Variants in KIAA0825 observed in about 807,000 individuals in gnomAD.
KIAA0825 encodes the protein KIAA0825.
KIAA0825 carries 119 observed loss-of-function variants against 147.6 expected under a neutral mutation model. The ratio of observed to expected loss-of-function variants is 0.81; its 90% CI spans 0.69 to 0.94. The LOEUF (loss-of-function observed/expected upper bound fraction) is 0.94. Ranked by LOEUF, KIAA0825 falls within the 40% of genes least tolerant of loss-of-function variation. The probability of loss-of-function intolerance (pLI) is 0.00; values close to 1 mark genes in which losing one functional copy is unlikely to be tolerated. For missense variants in KIAA0825, 1,381 were observed against 1,472.7 expected (o/e 0.94, Z 1.02); for synonymous variants, 470 against 518.1 (o/e 0.91, Z 1.26).
chr5:94,405,316 T>C (rs1562464935), intron 15 of KIAA0825, among the ~76,000 whole-genome samples: 1 of 152,206 alleles, frequency 6.6e-6, no homozygotes, highest in African/African-American at 2.4e-5. Context: ...GGTAATTTAC[T>C]GGGAGTTTTT....
chr5:94,296,690 G>A (rs986310856), intron 20 of KIAA0825, among the ~76,000 whole-genome samples: 2 of 152,096 alleles, frequency 1.3e-5, no homozygotes, highest in Non-Finnish European at 2.9e-5. Context: ...CCCGGGTGAG[G>A]GGACATCCCT....
chr5:94,168,022 A>AAT lies in KIAA0825; in HGVS notation c.3711-13900_3711-13899dup, dbSNP rs200126833. On this transcript the variant is annotated intron_variant, in intron 20 of 20. Transcript: ENST00000682413. ...ACTTAGAACCCCCGAAACCCAATTTAATATATATATAATAAAATATATAGA... is the reference window on the plus strand; with the variant it reads ...ACTTAGAACCCCCGAAACCCAATTTAATATATATATATAATAAAATATATAGA... Among the ~76,000 whole-genome samples the AAT allele has an allele frequency of 2.9e-3, 440 of 149,982 alleles. 1 individual carries two copies. The highest frequency in any genetic ancestry group is 9.8e-3 in the African/African-American group (405 of 41,176).
intron 14 of KIAA0825, among the ~76,000 whole-genome samples, chr5:94,417,675 C>T (rs893109245): frequency 6.6e-6 from 1 of 152,088 alleles, no homozygotes; most frequent in Non-Finnish European, 1.5e-5. Flanking sequence ...ATTCTTCTTT[C>T]TCTTAAGGAA....
intron 20 of KIAA0825, among the ~76,000 whole-genome samples, chr5:94,260,989 TA>T (rs1562338965): frequency 6.6e-6 from 1 of 152,148 alleles, no homozygotes; most frequent in Non-Finnish European, 1.5e-5. Context: ...GAATATTTGA[TA>T]ACAGCAAAAT....
intron 20 of KIAA0825, among the ~76,000 whole-genome samples, chr5:94,282,030 C>T (rs973235717): frequency 6.6e-6 from 1 of 152,044 alleles, no homozygotes; most frequent in African/African-American, 2.4e-5. Context: ...ATGCCTGCCA[C>T]CAAAATGTTA....
intron 20 of KIAA0825, among the ~76,000 whole-genome samples, chr5:94,245,366 A>C (rs971428522): frequency 2.6e-5 from 4 of 152,112 alleles, no homozygotes; most frequent in Non-Finnish European, 2.9e-5. Context: ...GTATATCCAG[A>C]CTTTGGTTGA....
chr5:94,187,668 G>T (rs527440050), intron 20 of KIAA0825, among the ~76,000 whole-genome samples: 2 of 151,854 alleles, frequency 1.3e-5, no homozygotes, highest in African/African-American at 4.8e-5. Flanking sequence ...CTCGCGATCC[G>T]CCCACCTCGG....
intron 4 of KIAA0825, 22 bp from the exon 5 acceptor site, chr5:94,520,939 A>G (rs1164571532): frequency 2.0e-6 from 3 of 1,492,798 alleles, no homozygotes; most frequent in Non-Finnish European, 2.7e-6. Flanking sequence ...ATAACATTAG[A>G]AATGTGATTA....
chr5:94,237,109 C>T (rs200053439), intron 20 of KIAA0825, among the ~76,000 whole-genome samples: 7 of 151,282 alleles, frequency 4.6e-5, no homozygotes, highest in Non-Finnish European at 1.0e-4. Context: ...TATGTATAGG[C>T]GATGCAGATC....
At chr5:94,548,740 G>GAAAC (rs371396463) in intron 2 of KIAA0825, among the ~76,000 whole-genome samples, 230 of 152,058 alleles carry the variant, frequency 1.5e-3, no homozygotes, top group African/African-American at 5.3e-3. Context: ...CATGTCAATG[G>GAAAC]AAACAAACAA....
At chr5:94,432,289 C>T (rs993460565) in intron 14 of KIAA0825, among the ~76,000 whole-genome samples, 2 of 152,160 alleles carry the variant, frequency 1.3e-5, no homozygotes, top group African/African-American at 2.4e-5. Context: ...TCAGGCCCCA[C>T]CCATGACCTA....
chr5:94,184,946 T>C (rs1481658243), intron 20 of KIAA0825, among the ~76,000 whole-genome samples: 8 of 152,164 alleles, frequency 5.3e-5, no homozygotes, highest in African/African-American at 1.9e-4. Flanking sequence ...CAAAACTTAG[T>C]GAATTAAAAC....
intron 20 of KIAA0825, among the ~76,000 whole-genome samples, chr5:94,370,286 A>AG: frequency 6.6e-6 from 1 of 152,232 alleles, no homozygotes; most frequent in Non-Finnish European, 1.5e-5. Context: ...GTAGAAAGTA[A>AG]CAAAGGGTCA....
chr5:94,441,434 C>T (rs2150847154), intron 13 of KIAA0825, among the ~76,000 whole-genome samples: 2 of 152,274 alleles, frequency 1.3e-5, no homozygotes, highest in South Asian at 2.1e-4. Context: ...TGCCTTTGCA[C>T]AGGTCCACCT....
chr5:94,617,366 G>C (rs1381437044), intron 1 of KIAA0825, among the ~76,000 whole-genome samples: 1 of 152,182 alleles, frequency 6.6e-6, no homozygotes, highest in Non-Finnish European at 1.5e-5. Context: ...AACAAGGCCA[G>C]AAAATCAATG....
Position 94,386,387 on chromosome 5 carries a change from C to G in KIAA0825, c.3474G>C (p.Gln1158His). The G allele has an allele frequency of 6.5e-7, 1 of 1,546,326 alleles. No individual in the cohort carries two copies. The highest frequency in any genetic ancestry group is 8.7e-7 in the Non-Finnish European group (1 of 1,145,502). ...CCTCTGAACTATTCATAGAAAACAG[C>G]TGTTCTTTTAAATATTCCTTCAAAG... Reference protein sequence around the residue: ...MQLNEEYLKEQLFSMNSSEEK... With the variant: ...MQLNEEYLKEHLFSMNSSEEK... The change falls in exon 19 of 21, where the codon CAG becomes CAC. Residue 1158 changes from glutamine (Q) to histidine (H), a missense_variant. Gln to His is a conservative substitution (Grantham distance 24). Coordinates refer to ENST00000682413, the MANE Select transcript of KIAA0825 (RefSeq NM_001145678.3).
At chr5:94,210,810 A>G (rs1433122543) in intron 20 of KIAA0825, among the ~76,000 whole-genome samples, 2 of 152,226 alleles carry the variant, frequency 1.3e-5, no homozygotes, top group African/African-American at 2.4e-5. Context: ...AATTAGGTCT[A>G]GGGTGTGGAT....
intron 1 of KIAA0825, among the ~76,000 whole-genome samples, chr5:94,589,786 A>G (rs1016704151): frequency 2.0e-5 from 3 of 151,978 alleles, no homozygotes; most frequent in African/African-American, 7.2e-5. Flanking sequence ...ATCATGCACA[A>G]ATAATGAGCT....
chr5:94,616,584 G>A (rs1346605158), intron 1 of KIAA0825, among the ~76,000 whole-genome samples: 3 of 152,076 alleles, frequency 2.0e-5, no homozygotes, highest in Non-Finnish European at 2.9e-5. Flanking sequence ...ATGTGTGTGT[G>A]AAAAGCTGTC....
Sources: gnomAD v4.1 joint callset for allele counts (sites outside exome capture counted in the v4.1 genomes callset) on GRCh38, gnomAD v4.1.1 for gene constraint, MANE v1.5 for transcripts, NCBI Gene and HGNC (gene_info 2026-07-23, HGNC 2026-07-21) for gene names.